Variants in MUC4 observed in about 807,000 individuals in gnomAD.
The protein encoded by MUC4 is mucin 4, cell surface associated, also known as mucin-4.
MUC4 carries 202 observed loss-of-function variants against 257.9 expected under a neutral mutation model. The ratio of observed to expected loss-of-function variants is 0.78; its 90% CI spans 0.70 to 0.88. The LOEUF (loss-of-function observed/expected upper bound fraction) is 0.88, where lower values mean the gene tolerates loss of function less well. Among genes scored for constraint, MUC4 ranks in the 40% least tolerant of loss-of-function variants. The probability of loss-of-function intolerance (pLI) is 0.00; values close to 1 mark genes in which losing one functional copy is unlikely to be tolerated. For synonymous variants in MUC4, 2,351 were observed against 2,757.1 expected (o/e 0.85, Z 4.62); for missense variants, 5,976 against 6,513.7 (o/e 0.92, Z 2.84).
Position 195,778,798 on chromosome 3 carries a change from TC to T in MUC4, c.12781del (p.Glu4261LysfsTer5). On this transcript the variant is annotated frameshift_variant, in exon 2 of 25. Coordinates refer to ENST00000463781, the MANE Select transcript of MUC4 (RefSeq NM_018406.7). LOFTEE classifies it high-confidence loss of function. ...AGGCAGTTGGCAGCTACCTGGTGTT[TC>T]CATCTTCAGAGGGGAGTCCGAGGAT... is the stretch of plus-strand genomic sequence containing the variant. ...TVSSDSPLKM[E>X]TPGMTTPSLK... The T allele has an allele frequency of 6.2e-7, 1 of 1,610,132 alleles. No individual in the cohort carries two copies. The highest frequency in any genetic ancestry group is 8.5e-7 in the Non-Finnish European group (1 of 1,178,178).
chr3:195,754,344 G>A lies in MUC4; in HGVS notation c.15197C>T (p.Thr5066Ile), dbSNP rs146947442. The change falls in exon 19 of 25, where the codon ACC becomes ATC. Residue 5066 changes from threonine (T) to isoleucine (I), a missense_variant. Thr to Ile is a moderately conservative substitution (Grantham distance 89). Transcript: ENST00000463781. ...EVAGCKCDGGTFGRYCEGSED... is the reference protein window; with the variant it reads ...EVAGCKCDGGIFGRYCEGSED... ...GGAGCCCTCGCAGTAGCGGCCGAAG[G>A]TGCCCCCGTCACACTTGCAGCCAGC... 6.2e-7 allele frequency: 1 copy of A among 1,611,268 alleles called. No individual in the cohort carries two copies.
Position 195,785,592 on chromosome 3 carries a change from A to G in MUC4, c.5988T>C (p.Gly1996=), listed in dbSNP as rs1260054343. 6.5e-7 allele frequency: 1 copy of G among 1,531,730 alleles called. No individual in the cohort carries two copies. The highest frequency in any genetic ancestry group is 8.8e-7 in the Non-Finnish European group (1 of 1,138,910). 94.9% of individuals were successfully genotyped at this position (1,531,730 alleles called of 1,614,324 possible). A position where few individuals can be genotyped will look rare whatever the true frequency, so the allele number is the denominator to read the frequency against. The change falls in exon 2 of 25, where the codon GGT becomes GGC. Residue 1996 remains glycine, a synonymous_variant. Transcript: ENST00000463781. ...PVTDASSVST[G]HATPLPVTDT... ...CGGTGACCGGAAGAGGGGTGGCATGACCTGTGGACACTGAGGAAGCGTCGG... is the reference window on the plus strand; with the variant it reads ...CGGTGACCGGAAGAGGGGTGGCATGGCCTGTGGACACTGAGGAAGCGTCGG...
At chr3:195,768,354 C>T (rs890289932) in intron 7 of MUC4, among the ~76,000 whole-genome samples, 6 of 152,186 alleles carry the variant, frequency 3.9e-5, no homozygotes, top group East Asian at 1.9e-4. Context: ...ACAGAGATGG[C>T]GCACTGCTAC....
At position 195,770,361 on chromosome 3, in the gene MUC4, G is replaced by A. The variant is rs771697474; in HGVS notation, c.13253C>T (p.Thr4418Met). Reference sequence around the variant, plus strand: ...TAGCAGGCTGTGTTCACCATAGAACGTCTCGTATTCCTAGGAAAGGAGGGC... The same window carrying A: ...TAGCAGGCTGTGTTCACCATAGAACATCTCGTATTCCTAGGAAAGGAGGGC... Reference protein sequence around the residue: ...RGTTFYQEYETFYGEHSLLVQ... With the variant: ...RGTTFYQEYEMFYGEHSLLVQ... The change falls in exon 6 of 25, where the codon ACG becomes ATG. Residue 4418 changes from threonine (T) to methionine (M), a missense_variant. By Grantham distance (81) the Thr-to-Met change is moderately conservative. Transcript: ENST00000463781. 4.0e-5 allele frequency: 64 copies of A among 1,613,604 alleles called. No individual in the cohort carries two copies. The Middle Eastern group carries it at 6.6e-4, about 17-fold the overall frequency.
In MUC4 at chr3:195,778,287, A is replaced by T; in HGVS notation, c.12943+16T>A. 2 of 1,600,648 alleles carry T rather than the reference A, an allele frequency of 1.2e-6. No homozygotes were observed. The highest frequency in any genetic ancestry group is 1.7e-6 in the Non-Finnish European group (2 of 1,174,390). ...TCACCCCTCAAAAGGCACAGGCCTC[A>T]CCTGTATGGCCTCACCTCTCTCAGG... On this transcript the variant is annotated intron_variant, in intron 3 of 24. Coordinates refer to ENST00000463781, the MANE Select transcript of MUC4 (RefSeq NM_018406.7).
Position 195,786,320 on chromosome 3 carries a change from A to C in MUC4, c.5260T>G (p.Ser1754Ala), listed in dbSNP as rs201824339. 2,164 of 1,518,382 alleles carry C rather than the reference A, an allele frequency of 1.4e-3. No individual in the cohort carries two copies. Among genetic ancestry groups the C allele is most frequent in the Non-Finnish European group, 1.7e-3 (1,889 of 1,125,518 alleles). 94.1% of individuals were successfully genotyped at this position (1,518,382 alleles called of 1,614,324 possible). The part of the protein sequence containing the change: ...PLLVTDASSA[S>A]TGQATPLPVT... ...GGAAGAGGGGTGGCCTGACCTGTGGATGCTGAGGAAGCGTCAGTGACAAGA... is the reference window on the plus strand; with the variant it reads ...GGAAGAGGGGTGGCCTGACCTGTGGCTGCTGAGGAAGCGTCAGTGACAAGA... Residue 1754 changes from serine to alanine, a missense_variant, in exon 2 of 25, where the codon TCC (serine) becomes GCC (alanine). Ser to Ala is a moderately conservative substitution (Grantham distance 99, BLOSUM62 1). Coordinates refer to ENST00000463781, the MANE Select transcript of MUC4 (RefSeq NM_018406.7).
chr3:195,770,474 A>G (rs777348450), intron 5 of MUC4, 103 bp from the exon 6 acceptor site: 25 of 1,305,558 alleles, frequency 1.9e-5, no homozygotes, highest in Middle Eastern at 2.1e-4. Flanking sequence ...AGCCCACCCA[A>G]TGGCCTGCCC....
At chr3:195,766,443 C>A (rs566517190) in intron 8 of MUC4, among the ~76,000 whole-genome samples, 15 of 152,208 alleles carry the variant, frequency 9.9e-5, no homozygotes, top group African/African-American at 3.6e-4. Flanking sequence ...ATGTAGCCCC[C>A]TCTGAGACTG....
chr3:195,799,181 A>C (rs1734964015), intron 1 of MUC4, among the ~76,000 whole-genome samples: 1 of 151,364 alleles, frequency 6.6e-6, no homozygotes, highest in South Asian at 2.1e-4. Context: ...TCCTTAATAC[A>C]TCTTACTTTA....
Position 195,780,574 on chromosome 3 carries a change from TCG to T in MUC4, c.11004_11005del (p.Asp3669HisfsTer8). 1.8e-6 allele frequency: 1 copy of T among 549,328 alleles called. No homozygotes were observed. The highest frequency in any genetic ancestry group is 3.0e-5 in the South Asian group (1 of 33,738). 34.0% of individuals were successfully genotyped at this position (549,328 alleles called of 1,614,324 possible). ...GTCACCTGTGGATGCTGAGGAAGTG[TCG>T]GTGACAGGAAGAGGGGTGGCGTGAC... On this transcript the variant is annotated frameshift_variant, in exon 2 of 25. Coordinates refer to ENST00000463781, the MANE Select transcript of MUC4 (RefSeq NM_018406.7). LOFTEE classifies it high-confidence loss of function.
At position 195,764,909 on chromosome 3, in the gene MUC4, G is replaced by A. The variant is rs1423830041; in HGVS notation, c.13924+88C>T. ...AAGTGGAGGCCCAGAGAGGGGAAGG[G>A]TCTGGGAAGGAATGAGGACGAGAGG... On this transcript the variant is annotated intron_variant, in intron 10 of 24. Coordinates refer to ENST00000463781, the MANE Select transcript of MUC4 (RefSeq NM_018406.7). 7.1e-6 allele frequency: 11 copies of A among 1,540,418 alleles called. No individual in the cohort carries two copies. In the Admixed American group the frequency reaches 1.9e-4, roughly 27 times the overall value.
In MUC4 at chr3:195,782,182, T is replaced by A. The variant is rs185913520; in HGVS notation, c.9398A>T (p.Gln3133Leu). The A allele has an allele frequency of 1.2e-4, 165 of 1,383,166 alleles. 13 individuals are homozygous for A. In the African/African-American group the frequency reaches 1.9e-3, roughly 16 times the overall value. The allele number at this position is 1,383,166 out of a possible 1,614,324, so 85.7% of individuals were successfully genotyped here. Residue 3133 changes from glutamine to leucine, a missense_variant, in exon 2 of 25, where the codon CAG (glutamine) becomes CTG (leucine). By Grantham distance (113) the Gln-to-Leu change is moderately radical. This residue lies in a region of MUC4 where 128 missense variants were observed against 104.8 expected (regional missense o/e 1.22). Transcript: ENST00000463781. ...VTDTSSASTG[Q>L]ATALPVTSTS... ...GCTGGTGACAGGAAGAGCGGTGGCCTGACCTGTGGATGCTGAGGAAGTGTC... is the reference window on the plus strand; with the variant it reads ...GCTGGTGACAGGAAGAGCGGTGGCCAGACCTGTGGATGCTGAGGAAGTGTC...
chr3:195,766,777 C>A, intron 7 of MUC4, 26 bp from the exon 8 acceptor site: 1 of 1,606,002 alleles, frequency 6.2e-7, no homozygotes, highest in Non-Finnish European at 8.5e-7. Flanking sequence ...GACTCTCAGG[C>A]CTCTGCCGTG....
chr3:195,772,496 CCCTT>C, intron 4 of MUC4, among the ~76,000 whole-genome samples: 1 of 129,840 alleles, frequency 7.7e-6, no homozygotes, highest in African/African-American at 3.4e-5. Flanking sequence ...TAGACACCCT[CCCTT>C]CATCGCTCAG....
intron 24 of MUC4, among the ~76,000 whole-genome samples, chr3:195,747,888 A>C (rs1261427425): frequency 6.6e-6 from 1 of 152,198 alleles, no homozygotes; most frequent in African/African-American, 2.4e-5. Context: ...ACCTGGTGTG[A>C]ATTCAGCTGC....
rs62282501 is a variant in MUC4, at chr3:195,786,494, G to A, written c.5086C>T (p.Arg1696Cys). 0.17 allele frequency: 248,842 copies of A among 1,472,890 alleles called. 38,988 individuals carry two copies. Among genetic ancestry groups the A allele is most frequent in the Middle Eastern group, 0.19 (832 of 4,340 alleles). 91.2% of individuals were successfully genotyped at this position (1,472,890 alleles called of 1,614,324 possible). ...GAGGAAACGTCGGTGACAGGAAGAC[G>A]GGTGGTGTCATCTGTGGTAGCTGAG... ...LSSATTDDTT[R>C]LPVTDVSSAS... Residue 1696 changes from arginine (R) to cysteine (C), a missense_variant, in exon 2 of 25, where the codon CGT (arginine) becomes TGT (cysteine). This residue lies in a region of MUC4 where 138 missense variants were observed against 107.8 expected (regional missense o/e 1.28). Transcript: ENST00000463781.
At position 195,774,207 on chromosome 3, in the gene MUC4, A is replaced by T. The variant is rs1723834494; in HGVS notation, c.13042T>A (p.Phe4348Ile). Residue 4348 changes from phenylalanine (F) to isoleucine (I), a missense_variant, in exon 4 of 25, where the codon TTC becomes ATC. Transcript: ENST00000463781. ...TSPLFKPATGFPLGSSLRDSL... is the reference protein window; with the variant it reads ...TSPLFKPATGIPLGSSLRDSL... ...TCACGGAGAGAGGAGCCAAGGGGGAAGCCAGTCGCCGGCTTGAAGAGTGGG... is the reference window on the plus strand; with the variant it reads ...TCACGGAGAGAGGAGCCAAGGGGGATGCCAGTCGCCGGCTTGAAGAGTGGG... 6.2e-7 allele frequency: 1 copy of T among 1,608,856 alleles called. No individual in the cohort carries two copies. The highest frequency in any genetic ancestry group is 2.3e-5 in the East Asian group (1 of 44,200).
At chr3:195,747,829 C>G (rs1224019185) in intron 24 of MUC4, among the ~76,000 whole-genome samples, 1 of 152,282 alleles carries the variant, frequency 6.6e-6, no homozygotes, top group African/African-American at 2.4e-5. Flanking sequence ...ACACTGCACT[C>G]CAGCCTGGGG....
chr3:195,777,899 G>GTCATACCTTCCACAC (rs1560290016), intron 3 of MUC4, among the ~76,000 whole-genome samples: 3 of 32,008 alleles, frequency 9.4e-5, no homozygotes, highest in African/African-American at 5.1e-4. Flanking sequence ...ACCTTCCACA[G>GTCATACCTTCCACAC]CCATACCTTC....
Sources: gnomAD v4.1 joint callset for allele counts (sites outside exome capture counted in the v4.1 genomes callset) on GRCh38, gnomAD v4.1.1 for gene constraint, gnomAD v4.1.1 regional missense constraint, MANE v1.5 for transcripts, NCBI Gene and HGNC (gene_info 2026-07-23, HGNC 2026-07-21) for gene names.